Variants in GLMN observed in about 807,000 individuals in gnomAD.
The protein encoded by GLMN is glomulin.
In GLMN, 75 loss-of-function variants were observed where a neutral mutation model predicts 87.8. The observed-to-expected ratio is 0.85, with a 90% confidence interval of 0.71 to 1.04. The LOEUF is 1.04. Ranked by LOEUF, GLMN falls within the 50% of genes least tolerant of loss-of-function variation. The pLI, the probability that GLMN is intolerant of heterozygous loss-of-function variation, is 0.00. For synonymous variants in GLMN, 206 were observed against 221.6 expected (o/e 0.93, Z 0.63); for missense variants, 588 against 658.8 (o/e 0.89, Z 1.18).
the GLMN span, chr1:92,333,463 T>C: frequency 1.1e-5 from 17 of 1,611,632 alleles, no homozygotes; most frequent in Non-Finnish European, 1.4e-5. Flanking sequence ...ACTTGAAAAG[T>C]TGAGTAAAGT....
At chr1:92,318,117 G>C in the GLMN span, among the ~76,000 whole-genome samples, 8 of 152,182 alleles carry the variant, frequency 5.3e-5, no homozygotes, top group Non-Finnish European at 7.3e-5. Context: ...TACAGTCAGC[G>C]ATTACAGTGT....
chr1:92,291,270 CA>C (rs1649369131), intron 4 of GLMN, 147 bp downstream of exon 4: 5 of 715,976 alleles, frequency 7.0e-6, no homozygotes, highest in Non-Finnish European at 9.6e-6. Flanking sequence ...CCTATCCAAT[CA>C]ATAAGACTGG....
At chr1:92,299,083 T>A (rs1650564309), upstream of GLMN, 3 of 1,509,404 alleles carry the variant, frequency 2.0e-6, no homozygotes, top group Non-Finnish European at 2.7e-6. Flanking sequence ...CATGGCGGAC[T>A]TCGCTGGGCC....
At chr1:92,289,278 T>G in intron 5 of GLMN, 127 bp from the exon 6 acceptor site, 1 of 750,254 alleles carries the variant, frequency 1.3e-6, no homozygotes, top group Non-Finnish European at 2.4e-6. Flanking sequence ...AGATGACACA[T>G]CACAGTCTAA....
intron 7 of GLMN, among the ~76,000 whole-genome samples, chr1:92,281,815 G>A (rs1027570252): frequency 4.0e-5 from 6 of 151,632 alleles, no homozygotes; most frequent in East Asian, 1.9e-4. Flanking sequence ...AAAAGCAAGG[G>A]TTGCAATCCT....
At chr1:92,364,176 G>A in the GLMN span, among the ~76,000 whole-genome samples, 3 of 152,074 alleles carry the variant, frequency 2.0e-5, no homozygotes, top group Admixed American at 6.6e-5. Flanking sequence ...GATTTGTAGT[G>A]GTATCGACCT....
intron 1 of GLMN, among the ~76,000 whole-genome samples, chr1:92,298,321 A>AC (rs1007465689): frequency 1.1e-4 from 17 of 150,024 alleles, no homozygotes; most frequent in African/African-American, 4.1e-4. Flanking sequence ...TTTGAAGGAA[A>AC]AAAAAACAAA....
At chr1:92,341,469 G>T in the GLMN span, among the ~76,000 whole-genome samples, 1 of 152,126 alleles carries the variant, frequency 6.6e-6, no homozygotes, top group Admixed American at 6.6e-5. Context: ...TTGCTAGTTT[G>T]CTACTGGAAG....
chr1:92,356,588 T>G, the GLMN span, among the ~76,000 whole-genome samples: 4,790 of 19,314 alleles, frequency 0.25, 261 homozygotes, highest in African/African-American at 0.37. Flanking sequence ...CTGGCTAATT[T>G]TTTTTTTTTT....
intron 16 of GLMN, among the ~76,000 whole-genome samples, chr1:92,259,634 A>C (rs548750106): frequency 6.6e-6 from 1 of 152,086 alleles, no homozygotes; most frequent in African/African-American, 2.4e-5. Flanking sequence ...AGCACACTTA[A>C]GTGCTCAAAA....
Position 92,265,675 on chromosome 1 carries a change from G to A in GLMN, c.1214+744C>T, listed in dbSNP as rs192108857. 1.6e-3 allele frequency among the ~76,000 whole-genome samples: 244 copies of A among 152,196 alleles called. 2 individuals carry two copies. In the South Asian group the frequency reaches 0.022, roughly 14 times the overall value. ...TCCCAGCTACCTGGGAGGCTGAAGC[G>A]GGAGGATCACCTGAAGCTGGGGGGC... On this transcript the variant is annotated intron_variant, in intron 13 of 18. Transcript: ENST00000370360.
the GLMN span, among the ~76,000 whole-genome samples, chr1:92,313,939 A>G: frequency 6.6e-6 from 1 of 152,182 alleles, no homozygotes; most frequent in Non-Finnish European, 1.5e-5. Flanking sequence ...TCTTCTACCT[A>G]TTCTTCTGCA....
At chr1:92,246,983 A>G (rs1178127135) in intron 18 of GLMN, 79 bp downstream of exon 18, 1 of 807,336 alleles carries the variant, frequency 1.2e-6, no homozygotes, top group Non-Finnish European at 2.2e-6. Context: ...CAATCATGCC[A>G]CTGCACTCCA....
chr1:92,269,716 A>T lies in GLMN; in HGVS notation c.977+7T>A, dbSNP rs61758979. On this transcript the variant is annotated splice_region_variant and intron_variant, in intron 9 of 18. Coordinates refer to ENST00000370360, the MANE Select transcript of GLMN (RefSeq NM_053274.3). ...TTCATTTTGAGATACCATCTAAACG[A>T]TCTTACCTTTGCAAAAAGACTTCAA... The T allele has an allele frequency of 3.1e-3, 4,994 of 1,594,636 alleles. 116 individuals carry two copies. In the African/African-American group the frequency reaches 0.049, roughly 16 times the overall value.
the GLMN span, among the ~76,000 whole-genome samples, chr1:92,326,413 A>T: frequency 6.6e-6 from 1 of 152,058 alleles, no homozygotes; most frequent in African/African-American, 2.4e-5. Flanking sequence ...TGGTTGTTTA[A>T]TGTACTATTT....
At chr1:92,334,018 T>C in the GLMN span, among the ~76,000 whole-genome samples, 1 of 152,220 alleles carries the variant, frequency 6.6e-6, no homozygotes, top group African/African-American at 2.4e-5. Context: ...AAAATTGCTA[T>C]CTTGGTTTTT....
At chr1:92,289,293 CA>C in intron 5 of GLMN, 142 bp from the exon 6 acceptor site, 1 of 719,956 alleles carries the variant, frequency 1.4e-6, no homozygotes, top group South Asian at 1.5e-5. Context: ...GTCTAATTGG[CA>C]GTGTTTTTTT....
At chr1:92,262,958 A>G in intron 15 of GLMN, 32 bp from the exon 16 acceptor site, 1 of 848,630 alleles carries the variant, frequency 1.2e-6, no homozygotes, top group South Asian at 1.3e-5. Flanking sequence ...TACTTACAGT[A>G]TGGTTTTATA....
At chr1:92,269,823 G>A (rs1656048486) in intron 8 of GLMN, 47 bp from the exon 9 acceptor site, 1 of 1,170,804 alleles carries the variant, frequency 8.5e-7, no homozygotes, top group South Asian at 1.2e-5. Context: ...CACACACAGA[G>A]ATATGTACAC....
Sources: gnomAD v4.1 joint callset for allele counts (sites outside exome capture counted in the v4.1 genomes callset) on GRCh38, gnomAD v4.1.1 for gene constraint, MANE v1.5 for transcripts, NCBI Gene and HGNC (gene_info 2026-07-23, HGNC 2026-07-21) for gene names.